The following SMIM36 variants were observed in gnomAD, a reference collection of about 807,000 sequenced individuals.
SMIM36 encodes small integral membrane protein 36.
chr17:55,501,356 TA>T lies in SMIM36; in HGVS notation c.*174+9522del, dbSNP rs1567871121. Among the ~76,000 whole-genome samples, 41 of 87,314 alleles carry T rather than the reference TA, an allele frequency of 4.7e-4. 5 individuals are homozygous for T. Among genetic ancestry groups the T allele is most frequent in the African/African-American group, 1.9e-3 (40 of 20,736 alleles). The allele number at this position is 87,314 out of a possible 152,430, so 57.3% of individuals were successfully genotyped here. On this transcript the variant is annotated intron_variant, in intron 1 of 4. Coordinates refer to ENST00000636752, the Ensembl canonical transcript of SMIM36. ...ATAATATATTATATATTATATTTTATAATATATAATATATTATATATTATAG... is the reference window on the plus strand; with the variant it reads ...ATAATATATTATATATTATATTTTATATATATAATATATTATATATTATAG...
chr17:55,457,480 A>G lies in SMIM36; in HGVS notation c.*532-7182T>C, dbSNP rs544843005. ...AAAAAAAAAAAAAAAAGAATAGAATAAAATAAAATTGACAGCTCTCGAGAT... is the reference window on the plus strand; with the variant it reads ...AAAAAAAAAAAAAAAAGAATAGAATGAAATAAAATTGACAGCTCTCGAGAT... On this transcript the variant is annotated intron_variant, in intron 4 of 4. Coordinates refer to ENST00000636752, the Ensembl canonical transcript of SMIM36. 1.1e-4 allele frequency among the ~76,000 whole-genome samples: 16 copies of G among 151,400 alleles called. No individual in the cohort carries two copies. In the South Asian group the frequency reaches 3.3e-3, roughly 32 times the overall value.
chr17:55,457,946 A>T (rs1053817780), intron 4 of SMIM36, among the ~76,000 whole-genome samples: 2 of 152,190 alleles, frequency 1.3e-5, no homozygotes, highest in Non-Finnish European at 2.9e-5. Context: ...TGTTCTTGAG[A>T]TTAGTGGAGG....
chr17:55,451,683 A>G (rs1186325218), intron 4 of SMIM36, among the ~76,000 whole-genome samples: 2 of 152,236 alleles, frequency 1.3e-5, no homozygotes, highest in Admixed American at 6.5e-5. Context: ...GAATGAATTT[A>G]CCAGTTTTCC....
upstream of SMIM36, chr17:55,511,585 A>C (rs996903533): frequency 4.4e-6 from 1 of 229,600 alleles, no homozygotes. Flanking sequence ...AGAGAGAGAA[A>C]GAGAGAGAGA....
At chr17:55,499,471 T>C (rs1431972800) in intron 1 of SMIM36, among the ~76,000 whole-genome samples, 1 of 152,200 alleles carries the variant, frequency 6.6e-6, no homozygotes, top group Admixed American at 6.5e-5. Context: ...ATCTTTGAAC[T>C]AGTTTTAGAT....
intron 4 of SMIM36, among the ~76,000 whole-genome samples, chr17:55,454,904 T>C (rs1169916620): frequency 6.6e-6 from 1 of 152,250 alleles, no homozygotes; most frequent in Non-Finnish European, 1.5e-5. Context: ...CGTGAAGAGA[T>C]ACCATAATTT....
At chr17:55,523,541 A>C in the SMIM36 span, among the ~76,000 whole-genome samples, 2 of 151,872 alleles carry the variant, frequency 1.3e-5, no homozygotes, top group African/African-American at 4.8e-5. Flanking sequence ...AAAAAAAAAA[A>C]AAAAAAACAT....
At chr17:55,517,969 G>A in the SMIM36 span, among the ~76,000 whole-genome samples, 1 of 152,294 alleles carries the variant, frequency 6.6e-6, no homozygotes, top group African/African-American at 2.4e-5. Flanking sequence ...AAATAATAAA[G>A]AGGAGTGAAC....
the SMIM36 span, among the ~76,000 whole-genome samples, chr17:55,531,999 T>G: frequency 1.6e-4 from 25 of 152,242 alleles, no homozygotes; most frequent in African/African-American, 5.8e-4. Context: ...TACCCTCACT[T>G]TCTGGTCTGA....
the SMIM36 span, among the ~76,000 whole-genome samples, chr17:55,528,619 C>G: frequency 6.7e-6 from 1 of 149,140 alleles, no homozygotes; most frequent in Non-Finnish European, 1.5e-5. Flanking sequence ...GTGGCACGAT[C>G]TCGGCTCACT....
intron 1 of SMIM36, among the ~76,000 whole-genome samples, chr17:55,485,165 T>C (rs1021104837): frequency 6.6e-6 from 1 of 152,234 alleles, no homozygotes; most frequent in Non-Finnish European, 1.5e-5. Flanking sequence ...TAGGCTAATA[T>C]GGCAAAATCT....
chr17:55,531,444 C>T, the SMIM36 span, among the ~76,000 whole-genome samples: 15 of 152,094 alleles, frequency 9.9e-5, no homozygotes, highest in African/African-American at 3.6e-4. Flanking sequence ...GTTTTCATTT[C>T]TCTTTCCCTA....
At chr17:55,521,804 C>G in the SMIM36 span, among the ~76,000 whole-genome samples, 1 of 150,718 alleles carries the variant, frequency 6.6e-6, no homozygotes, top group Non-Finnish European at 1.5e-5. Flanking sequence ...GGGGGCTCTA[C>G]ATTTAAAATA....
intron 4 of SMIM36, among the ~76,000 whole-genome samples, chr17:55,455,979 G>A (rs1406989031): frequency 6.6e-6 from 1 of 151,634 alleles, no homozygotes; most frequent in Non-Finnish European, 1.5e-5. Context: ...TTAGCTGAGT[G>A]TGGTAGGACG....
At chr17:55,457,435 G>C (rs1909043802) in intron 4 of SMIM36, among the ~76,000 whole-genome samples, 1 of 121,964 alleles carries the variant, frequency 8.2e-6, no homozygotes, top group Admixed American at 9.2e-5. Flanking sequence ...TGGGTGACAA[G>C]AGTGAAACTC....
chr17:55,524,185 G>C, the SMIM36 span, among the ~76,000 whole-genome samples: 3 of 152,072 alleles, frequency 2.0e-5, no homozygotes, highest in East Asian at 5.8e-4. Flanking sequence ...TTGGTTTTCT[G>C]TTTCTGCGTT....
At chr17:55,501,920 A>G (rs1909992549) in intron 1 of SMIM36, among the ~76,000 whole-genome samples, 1 of 146,454 alleles carries the variant, frequency 6.8e-6, no homozygotes, top group Non-Finnish European at 1.5e-5. Context: ...GGGAAGCGCA[A>G]GGGGTCAGGG....
intron 1 of SMIM36, among the ~76,000 whole-genome samples, chr17:55,484,443 G>A (rs1909571813): frequency 6.6e-6 from 1 of 152,192 alleles, no homozygotes; most frequent in Admixed American, 6.5e-5. Context: ...TGAGATGAAA[G>A]GTAGACGAAG....
intron 4 of SMIM36, among the ~76,000 whole-genome samples, chr17:55,464,078 G>A (rs1909193063): frequency 6.6e-6 from 1 of 152,074 alleles, no homozygotes; most frequent in African/African-American, 2.4e-5. Context: ...TCACGCCACT[G>A]CACTCCAGCC....
Sources: allele counts gnomAD v4.1 joint callset (sites outside exome capture counted in the v4.1 genomes callset), GRCh38; gene constraint gnomAD v4.1.1; transcripts MANE v1.5; gene names NCBI Gene and HGNC (gene_info 2026-07-23, HGNC 2026-07-21).